Variants in RANBP9 observed in about 807,000 individuals in gnomAD.
The protein encoded by RANBP9 is ran-binding protein 9.
Under a neutral mutation model 84.3 loss-of-function variants are expected in RANBP9, and 15 were observed. The observed-to-expected ratio is 0.18, with a 90% CI of 0.12 to 0.27. The LOEUF (loss-of-function observed/expected upper bound fraction) is 0.27, where lower values mean the gene tolerates loss of function less well. Among genes scored for constraint, RANBP9 ranks in the 10% least tolerant of loss-of-function variants. The pLI, the probability that RANBP9 is intolerant of heterozygous loss-of-function variation, is 1.00. For missense variants in RANBP9, 809 were observed against 912.8 expected, an observed-to-expected ratio of 0.89 and a Z score of 1.46; for synonymous variants, 392 against 349.6, an observed-to-expected ratio of 1.12 and a Z score of -1.35.
At chr6:13,657,088 T>C in intron 4 of RANBP9, 21 bp downstream of exon 4, 1 of 1,564,864 alleles carries the variant, frequency 6.4e-7, no homozygotes, top group Non-Finnish European at 8.7e-7. Flanking sequence ...TTATTTTGCA[T>C]GCAATATATT....
At chr6:13,649,950 C>A (rs1765258869) in intron 5 of RANBP9, among the ~76,000 whole-genome samples, 3 of 152,146 alleles carry the variant, frequency 2.0e-5, no homozygotes, top group African/African-American at 7.2e-5. Flanking sequence ...AATCCATTAG[C>A]CAATTCTCTT....
chr6:13,659,257 T>TAC (rs60255234), intron 2 of RANBP9, among the ~76,000 whole-genome samples: 6,297 of 130,562 alleles, frequency 0.048, 133 homozygotes, highest in South Asian at 0.085. Context: ...CACACACACA[T>TAC]ACACACACAC....
intron 1 of RANBP9, among the ~76,000 whole-genome samples, chr6:13,707,535 T>C (rs1758157952): frequency 6.6e-6 from 1 of 152,116 alleles, no homozygotes; most frequent in Non-Finnish European, 1.5e-5. Flanking sequence ...GATAATTAAG[T>C]CTCATATGAA....
At chr6:13,651,324 A>G (rs1765290000) in intron 5 of RANBP9, among the ~76,000 whole-genome samples, 2 of 152,070 alleles carry the variant, frequency 1.3e-5, no homozygotes, top group African/African-American at 2.4e-5. Flanking sequence ...AATTTCTGCA[A>G]TAGTCTTCTC....
At chr6:13,710,648 T>C (rs936130582) in intron 1 of RANBP9, among the ~76,000 whole-genome samples, 1 of 152,238 alleles carries the variant, frequency 6.6e-6, no homozygotes, top group African/African-American at 2.4e-5. Context: ...AGTTCTGTCC[T>C]GTCATCCCGG....
chr6:13,640,670 T>A (rs1002697121), intron 8 of RANBP9, among the ~76,000 whole-genome samples: 2 of 152,208 alleles, frequency 1.3e-5, no homozygotes, highest in East Asian at 3.8e-4. Context: ...ATAAATACTC[T>A]GATTCTACTT....
At chr6:13,632,207 T>TAACTTCATC (rs1361598531) in intron 12 of RANBP9, among the ~76,000 whole-genome samples, 163 bp downstream of exon 12, 1 of 128,248 alleles carries the variant, frequency 7.8e-6, no homozygotes, top group Non-Finnish European at 1.6e-5. Context: ...CAGAACTGCC[T>TAACTTCATC]AACTTCATCA....
chr6:13,643,132 T>C (rs1765104897), intron 6 of RANBP9, among the ~76,000 whole-genome samples: 1 of 152,190 alleles, frequency 6.6e-6, no homozygotes, highest in African/African-American at 2.4e-5. Flanking sequence ...TTCCAGAACA[T>C]GTCTATAAGT....
intron 1 of RANBP9, among the ~76,000 whole-genome samples, chr6:13,700,740 C>G (rs1382532999): frequency 6.6e-6 from 1 of 152,196 alleles, no homozygotes; most frequent in African/African-American, 2.4e-5. Flanking sequence ...AGCAAAAGCT[C>G]AAGACCCAGA....
intron 12 of RANBP9, among the ~76,000 whole-genome samples, chr6:13,627,071 C>G (rs1025330571): frequency 2.0e-5 from 3 of 152,158 alleles, no homozygotes; most frequent in Non-Finnish European, 4.4e-5. Context: ...GTTTTCTCCT[C>G]CAATTACAAT....
chr6:13,651,136 G>A (rs962138601), intron 5 of RANBP9, among the ~76,000 whole-genome samples: 3 of 152,046 alleles, frequency 2.0e-5, no homozygotes, highest in Admixed American at 1.3e-4. Context: ...AGATCATTCA[G>A]TGAGTATAAA....
rs1764449415 is a variant in RANBP9 at position 13,621,645 on chromosome 6, A to C, written c.*717T>G. The C allele has an allele frequency of 6.6e-6, 1 of 152,642 alleles. No individual in the cohort carries two copies. The highest frequency in any genetic ancestry group is 1.5e-5 in the Non-Finnish European group (1 of 68,020). 9.5% of individuals were successfully genotyped at this position (152,642 alleles called of 1,614,324 possible). A position where few individuals can be genotyped will look rare whatever the true frequency, so the allele number is the denominator to read the frequency against. On this transcript the variant is annotated 3_prime_UTR_variant, in exon 14 of 14. Coordinates refer to ENST00000011619, the MANE Select transcript of RANBP9 (RefSeq NM_005493.3). ...GACTAAATATTTGGTTTTTATATAA[A>C]TAAAGGTCATAACCACACCGTTGAC...
intron 9 of RANBP9, 134 bp from the exon 10 acceptor site, chr6:13,638,089 A>G: frequency 1.4e-6 from 1 of 707,520 alleles, no homozygotes; most frequent in South Asian, 2.7e-5. Context: ...TAAACAGGTA[A>G]CTTCTTTGAA....
intron 1 of RANBP9, among the ~76,000 whole-genome samples, chr6:13,697,953 G>A (rs1447746884): frequency 1.3e-5 from 2 of 152,118 alleles, no homozygotes; most frequent in Non-Finnish European, 2.9e-5. Context: ...TTAAATTTAT[G>A]ATTGTTTTAA....
chr6:13,685,893 T>C (rs557324634), intron 2 of RANBP9, among the ~76,000 whole-genome samples: 35 of 147,246 alleles, frequency 2.4e-4, no homozygotes, highest in Non-Finnish European at 3.9e-4. Context: ...ATTGCACCAC[T>C]GCACTCCAGC....
chr6:13,682,427 CAT>C (rs1175698900), intron 2 of RANBP9, among the ~76,000 whole-genome samples: 1 of 145,712 alleles, frequency 6.9e-6, no homozygotes, highest in Non-Finnish European at 1.5e-5. Context: ...TGCAAAAAAA[CAT>C]ACAGTATTCA....
intron 1 of RANBP9, among the ~76,000 whole-genome samples, chr6:13,698,371 A>C (rs909558981): frequency 2.6e-5 from 4 of 152,252 alleles, no homozygotes; most frequent in African/African-American, 9.6e-5. Flanking sequence ...GAAAAGAAAC[A>C]ATTGCACAAG....
chr6:13,628,059 T>C (rs551240556), intron 12 of RANBP9, among the ~76,000 whole-genome samples: 10 of 152,190 alleles, frequency 6.6e-5, no homozygotes, highest in Non-Finnish European at 1.3e-4. Flanking sequence ...TGCACTAATA[T>C]TGTGTGAAGA....
At position 13,644,641 on chromosome 6, in the gene RANBP9, T is replaced by C. The variant is rs879366596; in HGVS notation, c.1016A>G (p.Glu339Gly). ...GGTTCTCCACTCCCGCATATAGTCT[T>C]CTATATCAAACACGAAAGGATGTTG... ...FGQHPFVFDI[E>G]DYMREWRTKI... is the part of the protein sequence containing the mutation. The change falls in exon 6 of 14, where the codon GAA becomes GGA. Residue 339 changes from glutamate (E) to glycine (G), a missense_variant. By Grantham distance (98) the Glu-to-Gly change is moderately conservative. This residue lies in a region of RANBP9 where 216 missense variants were observed against 329.0 expected (regional missense o/e 0.66). Transcript: ENST00000011619. 7.4e-6 allele frequency: 12 copies of C among 1,613,354 alleles called. No individual in the cohort carries two copies. Among genetic ancestry groups the C allele is most frequent in the Non-Finnish European group, 9.3e-6 (11 of 1,179,600 alleles).
Sources: allele counts gnomAD v4.1 joint callset (sites outside exome capture counted in the v4.1 genomes callset), GRCh38; gene constraint gnomAD v4.1.1; regional missense constraint gnomAD v4.1.1; transcripts MANE v1.5; gene names NCBI Gene and HGNC (gene_info 2026-07-23, HGNC 2026-07-21).